Variants in SORCS3 observed in about 807,000 individuals in gnomAD.
SORCS3 encodes the protein VPS10 domain-containing receptor SorCS3.
In SORCS3, 57 loss-of-function variants were observed where a neutral mutation model predicts 146.3. The observed-to-expected ratio is 0.39, with a 90% CI of 0.31 to 0.49. The LOEUF is 0.49. Among genes scored for constraint, SORCS3 ranks in the 20% least tolerant of loss-of-function variants. The pLI, the probability that SORCS3 is intolerant of heterozygous loss-of-function variation, is 0.92. For synonymous variants in SORCS3, 653 were observed against 618.5 expected (o/e 1.06, Z -0.83); for missense variants, 1,341 against 1,575.5 (o/e 0.85, Z 2.52).
intron 4 of SORCS3, among the ~76,000 whole-genome samples, chr10:104,997,328 A>G (rs563064453): frequency 1.2e-4 from 19 of 152,336 alleles, no homozygotes; most frequent in African/African-American, 4.6e-4. Flanking sequence ...GAAAACCTAA[A>G]GGAAATCTTC....
chr10:104,898,913 T>C (rs2018824684), intron 2 of SORCS3, among the ~76,000 whole-genome samples: 1 of 152,176 alleles, frequency 6.6e-6, no homozygotes, highest in Non-Finnish European at 1.5e-5. Context: ...CACTGAAATG[T>C]TGGTATTGTT....
chr10:105,074,590 GT>G (rs1048773240), intron 5 of SORCS3, among the ~76,000 whole-genome samples: 15 of 152,190 alleles, frequency 9.9e-5, no homozygotes, highest in African/African-American at 3.6e-4. Flanking sequence ...TCTAGCTATC[GT>G]TACATTACCC....
intron 3 of SORCS3, among the ~76,000 whole-genome samples, chr10:104,947,354 A>G (rs1381431024): frequency 6.6e-6 from 1 of 152,140 alleles, no homozygotes; most frequent in East Asian, 1.9e-4. Context: ...AAGGGCTGAT[A>G]ACACTAGAAA....
intron 7 of SORCS3, among the ~76,000 whole-genome samples, chr10:105,119,525 TCA>T (rs1033974279): frequency 9.2e-5 from 14 of 152,202 alleles, no homozygotes; most frequent in Admixed American, 3.9e-4. Context: ...CCTGGAAAAG[TCA>T]CAGACACTCA....
At chr10:105,041,368 A>G (rs2055336746) in intron 4 of SORCS3, among the ~76,000 whole-genome samples, 1 of 146,478 alleles carries the variant, frequency 6.8e-6, no homozygotes, top group South Asian at 2.1e-4. Context: ...AGTCAGCTGT[A>G]TATACCTGAC....
intron 6 of SORCS3, among the ~76,000 whole-genome samples, chr10:105,105,107 G>A (rs1412701348): frequency 2.0e-5 from 3 of 152,096 alleles, no homozygotes; most frequent in African/African-American, 7.2e-5. Flanking sequence ...TGTAAGATAT[G>A]TACCTTTAAA....
chr10:105,226,834 G>C (rs2056736456), intron 20 of SORCS3, among the ~76,000 whole-genome samples: 1 of 151,680 alleles, frequency 6.6e-6, no homozygotes, highest in Non-Finnish European at 1.5e-5. Context: ...GGGTTTTTCA[G>C]TTTCTTAGTG....
At chr10:105,158,182 C>T (rs2056229026) in intron 10 of SORCS3, among the ~76,000 whole-genome samples, 1 of 152,116 alleles carries the variant, frequency 6.6e-6, no homozygotes, top group African/African-American at 2.4e-5. Context: ...AAACCTTGCC[C>T]ATGGCTTCAT....
intron 9 of SORCS3, among the ~76,000 whole-genome samples, chr10:105,155,520 G>C (rs1371305270): frequency 6.6e-6 from 1 of 152,194 alleles, no homozygotes; most frequent in Non-Finnish European, 1.5e-5. Flanking sequence ...GCCTCCATCA[G>C]GTAGAAGGTT....
chr10:105,024,833 G>C (rs2055216872), intron 4 of SORCS3, among the ~76,000 whole-genome samples: 1 of 152,152 alleles, frequency 6.6e-6, no homozygotes. Context: ...CTTTCAGACC[G>C]AACGTGTAAC....
At chr10:104,730,170 G>A (rs929976769) in intron 1 of SORCS3, among the ~76,000 whole-genome samples, 1 of 152,148 alleles carries the variant, frequency 6.6e-6, no homozygotes, top group Non-Finnish European at 1.5e-5. Context: ...TGAGATGTAT[G>A]CATATACTCT....
At chr10:104,906,014 C>G (rs1564710296) in intron 2 of SORCS3, among the ~76,000 whole-genome samples, 1 of 152,124 alleles carries the variant, frequency 6.6e-6, no homozygotes, top group Admixed American at 6.5e-5. Flanking sequence ...TGAAGGCTCT[C>G]TATTTATTCA....
At chr10:105,095,913 A>G (rs753097805) in intron 6 of SORCS3, among the ~76,000 whole-genome samples, 3 of 152,148 alleles carry the variant, frequency 2.0e-5, no homozygotes, top group Non-Finnish European at 2.9e-5. Flanking sequence ...ATGAAACATC[A>G]ATTAAATATT....
chr10:105,058,208 C>A (rs1316971678), intron 5 of SORCS3, among the ~76,000 whole-genome samples: 1 of 152,178 alleles, frequency 6.6e-6, no homozygotes, highest in African/African-American at 2.4e-5. Context: ...TTGAAAAGGT[C>A]AGACCCTGGA....
chr10:104,813,733 T>C (rs1564689779), intron 1 of SORCS3, among the ~76,000 whole-genome samples: 1 of 152,078 alleles, frequency 6.6e-6, no homozygotes, highest in Non-Finnish European at 1.5e-5. Flanking sequence ...CAAGAATCAC[T>C]TTAAAGAAAA....
At chr10:104,714,447 G>A (rs1459171049) in intron 1 of SORCS3, among the ~76,000 whole-genome samples, 2 of 152,024 alleles carry the variant, frequency 1.3e-5, no homozygotes, top group South Asian at 2.1e-4. Flanking sequence ...ATTTTGATAA[G>A]TTGTATTTTA....
chr10:104,869,192 A>G (rs1035127740), intron 2 of SORCS3, among the ~76,000 whole-genome samples: 3 of 151,956 alleles, frequency 2.0e-5, no homozygotes, highest in African/African-American at 7.3e-5. Context: ...TATTACATAT[A>G]TTTATATGTA....
Position 104,977,397 on chromosome 10 carries a change from G to T in SORCS3, c.858G>T (p.Ala286=). Residue 286 remains alanine (A), a synonymous_variant, in exon 4 of 27, where the codon GCG becomes GCT. Coordinates refer to ENST00000369701, the MANE Select transcript of SORCS3 (RefSeq NM_014978.3). ...SSILISSDEG[A]TYQKYRLTFY... is the part of the protein sequence containing the mutation. ...TATTGATCAGCTCAGACGAAGGGGC[G>T]ACCTATCAGAAGTATCGGCTCACCT... 1.2e-6 allele frequency: 2 copies of T among 1,613,752 alleles called. No homozygotes were observed. Among genetic ancestry groups the T allele is most frequent in the Non-Finnish European group, 1.7e-6 (2 of 1,179,818 alleles).
intron 2 of SORCS3, among the ~76,000 whole-genome samples, chr10:104,890,886 C>G (rs2018742885): frequency 1.3e-5 from 2 of 152,160 alleles, no homozygotes; most frequent in African/African-American, 4.8e-5. Context: ...GAAATCACCC[C>G]CAGTTGAGAA....
Sources: allele counts gnomAD v4.1 joint callset (sites outside exome capture counted in the v4.1 genomes callset), GRCh38; gene constraint gnomAD v4.1.1; transcripts MANE v1.5; gene names NCBI Gene and HGNC (gene_info 2026-07-23, HGNC 2026-07-21).